SLC44A5: variants seen among roughly 807,000 people sequenced by gnomAD.
SLC44A5 encodes the protein solute carrier family 44 member 5.
SLC44A5 carries 57 observed loss-of-function variants against 101.8 expected under a neutral mutation model. That is an observed-to-expected ratio of 0.56 (90% CI 0.45 to 0.70). The LOEUF (loss-of-function observed/expected upper bound fraction) is 0.70, where lower values mean the gene tolerates loss of function less well. Ranked by LOEUF, SLC44A5 falls within the 30% of genes least tolerant of loss-of-function variation. SLC44A5 has a pLI of 0.00. For missense variants in SLC44A5, 737 were observed against 853.1 expected, an observed-to-expected ratio of 0.86 and a Z score of 1.70; for synonymous variants, 281 against 290.9, an observed-to-expected ratio of 0.97 and a Z score of 0.35.
intron 5 of SLC44A5, among the ~76,000 whole-genome samples, chr1:75,279,889 T>C (rs1652261147): frequency 6.6e-6 from 1 of 151,868 alleles, no homozygotes; most frequent in African/African-American, 2.4e-5. Context: ...TGTAGTATTT[T>C]GTCTCTCAAC....
chr1:75,435,121 T>C (rs1380007160), intron 2 of SLC44A5, among the ~76,000 whole-genome samples: 1 of 152,106 alleles, frequency 6.6e-6, no homozygotes, highest in Admixed American at 6.6e-5. Flanking sequence ...AAGAGCCCAG[T>C]TTAGTAATTT....
At chr1:75,548,519 G>C (rs1671771892) in intron 1 of SLC44A5, among the ~76,000 whole-genome samples, 1 of 151,994 alleles carries the variant, frequency 6.6e-6, no homozygotes, top group Non-Finnish European at 1.5e-5. Context: ...CAGATTAAGA[G>C]CTATTGGTCC....
intron 2 of SLC44A5, among the ~76,000 whole-genome samples, chr1:75,404,594 A>C (rs924288425): frequency 2.0e-5 from 3 of 152,280 alleles, no homozygotes; most frequent in African/African-American, 7.2e-5. Context: ...ATCCAGCCAA[A>C]CTTAGCTTCA....
chr1:75,228,832 A>G (rs989927688), intron 12 of SLC44A5, among the ~76,000 whole-genome samples: 3 of 151,800 alleles, frequency 2.0e-5, no homozygotes, highest in Non-Finnish European at 2.9e-5. Flanking sequence ...CACCCACTCT[A>G]ATTATTGCTC....
chr1:75,402,035 T>C (rs1467872291), intron 2 of SLC44A5, among the ~76,000 whole-genome samples: 2 of 152,084 alleles, frequency 1.3e-5, no homozygotes, highest in Admixed American at 1.3e-4. Context: ...AGAAAGTTGA[T>C]AGTTAAGATG....
intron 2 of SLC44A5, among the ~76,000 whole-genome samples, chr1:75,439,906 G>A (rs1467390466): frequency 1.3e-5 from 2 of 151,888 alleles, no homozygotes; most frequent in East Asian, 3.9e-4. Flanking sequence ...AACTGAAGAA[G>A]TATACATAAT....
At chr1:75,704,013 C>A in the SLC44A5 span, among the ~76,000 whole-genome samples, 1 of 151,896 alleles carries the variant, frequency 6.6e-6, no homozygotes, top group East Asian at 1.9e-4. Context: ...CATGGTGGGA[C>A]CCTGTCTCTA....
At chr1:75,500,905 C>G (rs759994784) in intron 2 of SLC44A5, among the ~76,000 whole-genome samples, 1 of 152,124 alleles carries the variant, frequency 6.6e-6, no homozygotes, top group African/African-American at 2.4e-5. Context: ...TTGAACAAAT[C>G]GATGTATCAT....
At chr1:75,532,989 C>T (rs1670804584) in intron 2 of SLC44A5, among the ~76,000 whole-genome samples, 1 of 152,178 alleles carries the variant, frequency 6.6e-6, no homozygotes, top group South Asian at 2.1e-4. Context: ...CTTATTGAAA[C>T]AGTTTCTACT....
chr1:75,318,082 A>G (rs1312465169), intron 4 of SLC44A5, among the ~76,000 whole-genome samples: 1 of 152,166 alleles, frequency 6.6e-6, no homozygotes, highest in African/African-American at 2.4e-5. Context: ...GGTCATTTAA[A>G]TCTGCTCTAT....
At chr1:75,233,087 C>T (rs973117028) in intron 12 of SLC44A5, among the ~76,000 whole-genome samples, 1 of 151,998 alleles carries the variant, frequency 6.6e-6, no homozygotes, top group African/African-American at 2.4e-5. Context: ...AGGAAGCTTC[C>T]ACAGGTGGTA....
chr1:75,456,073 A>C (rs959505393), intron 2 of SLC44A5, among the ~76,000 whole-genome samples: 1 of 152,180 alleles, frequency 6.6e-6, no homozygotes, highest in Admixed American at 6.6e-5. Context: ...TGTTCACTGC[A>C]GCATATTAAT....
At chr1:75,374,385 T>C (rs1329693383) in intron 3 of SLC44A5, among the ~76,000 whole-genome samples, 1 of 152,286 alleles carries the variant, frequency 6.6e-6, no homozygotes, top group South Asian at 2.1e-4. Flanking sequence ...CTCCAGGGAA[T>C]TGTGGGTCTC....
In SLC44A5 at chr1:75,211,465, C is replaced by G. The variant is rs778585449; in HGVS notation, c.2047+3G>C. 1.2e-6 allele frequency: 2 copies of G among 1,609,962 alleles called. No homozygotes were observed. On this transcript the variant is annotated splice_donor_region_variant and intron_variant, in intron 23 of 23. Transcript: ENST00000370859. ...GGGGAAAACACACATACTGAATACT[C>G]ACAGAAGCAGATGAAAATTGTTTCA...
chr1:75,531,101 G>A (rs1670696162), intron 2 of SLC44A5, among the ~76,000 whole-genome samples: 1 of 152,120 alleles, frequency 6.6e-6, no homozygotes, highest in South Asian at 2.1e-4. Flanking sequence ...ATGCCCCCCA[G>A]ATTGCCTTTC....
At chr1:75,674,928 C>G in the SLC44A5 span, among the ~76,000 whole-genome samples, 1 of 152,046 alleles carries the variant, frequency 6.6e-6, no homozygotes, top group African/African-American at 2.4e-5. Flanking sequence ...TGTAGATGTG[C>G]AGTCTTATTT....
rs138988159 is a variant in SLC44A5, at chr1:75,573,269, G to A, written c.-69-31753C>T. Among the ~76,000 whole-genome samples, 537 of 151,852 alleles carry A rather than the reference G, an allele frequency of 3.5e-3. 7 individuals carry two copies. Among genetic ancestry groups the A allele is most frequent in the African/African-American group, 0.012 (510 of 41,410 alleles). On this transcript the variant is annotated intron_variant, in intron 1 of 23. Coordinates refer to ENST00000370859, the MANE Select transcript of SLC44A5 (RefSeq NM_001130058.2). ...TGGGGCAGGAGAATCGCTTGAACCC[G>A]GGAGGCAGAGGTTGCAGTGAGCAGA...
chr1:75,555,695 A>C (rs1672178922), intron 1 of SLC44A5, among the ~76,000 whole-genome samples: 1 of 152,086 alleles, frequency 6.6e-6, no homozygotes, highest in African/African-American at 2.4e-5. Context: ...GTAGTCACAA[A>C]GTCTAATGCA....
intron 2 of SLC44A5, among the ~76,000 whole-genome samples, chr1:75,401,906 C>T (rs2101441045): frequency 6.6e-6 from 1 of 152,220 alleles, no homozygotes; most frequent in South Asian, 2.1e-4. Flanking sequence ...TCCTGTTTTG[C>T]AATTCTAGCA....
Sources: gnomAD v4.1 joint callset for allele counts (sites outside exome capture counted in the v4.1 genomes callset) on GRCh38, gnomAD v4.1.1 for gene constraint, MANE v1.5 for transcripts, NCBI Gene and HGNC (gene_info 2026-07-23, HGNC 2026-07-21) for gene names.